Variants in CPA6 observed in about 807,000 individuals in gnomAD.
The protein encoded by CPA6 is carboxypeptidase A6, also known as carboxypeptidase B.
A neutral mutation model predicts 63.3 loss-of-function variants in CPA6; 58 were observed. That is an observed-to-expected ratio of 0.92 (90% CI 0.74 to 1.14). The LOEUF (loss-of-function observed/expected upper bound fraction) is 1.14. Among genes scored for constraint, CPA6 ranks in the 50% most tolerant of loss-of-function variants. CPA6 has a pLI of 0.00. For synonymous variants in CPA6, 185 were observed against 179.0 expected (o/e 1.03, Z -0.27); for missense variants, 565 against 526.6 (o/e 1.07, Z -0.71).
At chr8:67,660,182 A>G (rs189539270) in intron 1 of CPA6, among the ~76,000 whole-genome samples, 3 of 152,252 alleles carry the variant, frequency 2.0e-5, no homozygotes, top group Non-Finnish European at 4.4e-5. Flanking sequence ...CTGATTCACT[A>G]TGGCAGCATA....
chr8:67,471,822 T>C (rs1029478844), intron 8 of CPA6, among the ~76,000 whole-genome samples: 1 of 152,142 alleles, frequency 6.6e-6, no homozygotes, highest in African/African-American at 2.4e-5. Context: ...TGAAAGAGAA[T>C]TGGGAATCTG....
chr8:67,684,389 G>C (rs748984181), intron 1 of CPA6, among the ~76,000 whole-genome samples: 20 of 152,008 alleles, frequency 1.3e-4, no homozygotes, highest in Non-Finnish European at 2.5e-4. Context: ...GCAAATACAA[G>C]TTTCCTATTC....
chr8:67,693,723 C>T (rs1187990990), intron 1 of CPA6, among the ~76,000 whole-genome samples: 1 of 152,168 alleles, frequency 6.6e-6, no homozygotes, highest in Non-Finnish European at 1.5e-5. Flanking sequence ...AATCTGCTGG[C>T]CCTTTCTTCT....
At chr8:67,609,721 T>G (rs987789419) in intron 2 of CPA6, among the ~76,000 whole-genome samples, 49 of 152,180 alleles carry the variant, frequency 3.2e-4, no homozygotes, top group African/African-American at 1.2e-3. Context: ...AGTCTTAGAT[T>G]TGTTAAAATA....
chr8:67,453,078 C>T lies in CPA6; in HGVS notation c.839-18838G>A, dbSNP rs183629813. The stretch of plus-strand genomic sequence containing the variant: ...CATCTGACTTATATTTTAAAAGGTT[C>T]ATGGTGGCTGAGGATGGAGAGTGTG... On this transcript the variant is annotated intron_variant, in intron 8 of 10. Transcript: ENST00000297770. 7.8e-4 allele frequency among the ~76,000 whole-genome samples: 119 copies of T among 151,916 alleles called. 1 individual carries two copies. Among genetic ancestry groups the T allele is most frequent in the African/African-American group, 2.8e-3 (118 of 41,490 alleles).
intron 1 of CPA6, among the ~76,000 whole-genome samples, chr8:67,699,520 C>A (rs575496061): frequency 6.6e-6 from 1 of 151,392 alleles, no homozygotes; most frequent in South Asian, 2.1e-4. Flanking sequence ...AACAAACAAA[C>A]ATTTACATGC....
intron 2 of CPA6, among the ~76,000 whole-genome samples, chr8:67,546,073 C>T (rs1812812968): frequency 6.6e-6 from 1 of 152,200 alleles, no homozygotes; most frequent in African/African-American, 2.4e-5. Context: ...GTCTTGCTTG[C>T]TTCCTTACTA....
chr8:67,621,846 C>T (rs908289433), intron 2 of CPA6, among the ~76,000 whole-genome samples: 4 of 152,242 alleles, frequency 2.6e-5, no homozygotes, highest in East Asian at 1.9e-4. Context: ...CCCAGGTGGC[C>T]GCCTTTCTTT....
At chr8:67,655,052 G>A (rs1437298895) in intron 1 of CPA6, among the ~76,000 whole-genome samples, 1 of 152,104 alleles carries the variant, frequency 6.6e-6, no homozygotes, top group African/African-American at 2.4e-5. Flanking sequence ...AATGTTACAA[G>A]GTTACACAAT....
At chr8:67,722,379 CCA>C (rs1248215786) in intron 1 of CPA6, among the ~76,000 whole-genome samples, 2 of 152,084 alleles carry the variant, frequency 1.3e-5, no homozygotes, top group Non-Finnish European at 2.9e-5. Context: ...TGGGGCAAGC[CCA>C]GGGTGTTTGT....
intron 2 of CPA6, among the ~76,000 whole-genome samples, chr8:67,574,906 A>G (rs1258002199): frequency 6.6e-6 from 1 of 152,182 alleles, no homozygotes; most frequent in African/African-American, 2.4e-5. Context: ...ATAAAAATAA[A>G]AACTTCTGTA....
chr8:67,592,802 T>C (rs1449668774), intron 2 of CPA6, among the ~76,000 whole-genome samples: 28 of 152,340 alleles, frequency 1.8e-4, no homozygotes, highest in Non-Finnish European at 3.1e-4. Flanking sequence ...TTGCTAGTGG[T>C]CTATCAATTT....
At chr8:67,426,965 T>C (rs1809900953) in intron 10 of CPA6, among the ~76,000 whole-genome samples, 1 of 152,224 alleles carries the variant, frequency 6.6e-6, no homozygotes, top group Non-Finnish European at 1.5e-5. Context: ...TATGATTCTT[T>C]GTCGAAGTTC....
rs1190310425 is a variant in CPA6 at position 67,634,224 on chromosome 8, TTTG to T, written c.117-9976_117-9974del. Among the ~76,000 whole-genome samples the T allele has an allele frequency of 9.1e-4, 130 of 142,862 alleles. 6 individuals are homozygous for T. Among genetic ancestry groups the T allele is most frequent in the African/African-American group, 3.3e-3 (124 of 37,678 alleles). 93.7% of individuals were successfully genotyped at this position (142,862 alleles called of 152,430 possible). A position where few individuals can be genotyped will look rare whatever the true frequency, so the allele number is the denominator to read the frequency against. On this transcript the variant is annotated intron_variant, in intron 1 of 10. Transcript: ENST00000297770. ...TTATTATTATTATTATTATTATTTATTTGTTTTTTTTTTGAGACGGAGTCTCGC... is the reference window on the plus strand; with the variant it reads ...TTATTATTATTATTATTATTATTTATTTTTTTTTTTGAGACGGAGTCTCGC...
intron 1 of CPA6, among the ~76,000 whole-genome samples, chr8:67,727,448 T>C (rs1256137038): frequency 6.6e-6 from 1 of 152,118 alleles, no homozygotes; most frequent in Non-Finnish European, 1.5e-5. Context: ...ACTGCCCCCC[T>C]TAACCCCCAC....
intron 1 of CPA6, among the ~76,000 whole-genome samples, chr8:67,724,647 C>G (rs550628397): frequency 3.3e-5 from 5 of 152,206 alleles, no homozygotes; most frequent in African/African-American, 1.2e-4. Context: ...TGAGACAACC[C>G]AAGACAAAGT....
intron 9 of CPA6, among the ~76,000 whole-genome samples, chr8:67,430,448 A>T (rs1174208541): frequency 6.6e-6 from 1 of 152,004 alleles, no homozygotes; most frequent in African/African-American, 2.4e-5. Flanking sequence ...GCCTCCCAAA[A>T]TAGTATATAT....
chr8:67,527,637 G>A (rs1027955478), intron 2 of CPA6, among the ~76,000 whole-genome samples: 1 of 152,096 alleles, frequency 6.6e-6, no homozygotes, highest in African/African-American at 2.4e-5. Flanking sequence ...TATTTCTCAA[G>A]TTCACCCATA....
intron 2 of CPA6, among the ~76,000 whole-genome samples, chr8:67,585,500 T>C (rs111702136): frequency 0.033 from 4,995 of 152,196 alleles, 118 homozygotes; most frequent in African/African-American, 0.066. Flanking sequence ...CATGGGGGCA[T>C]GAGTTAGCAG....
Sources: allele counts gnomAD v4.1 joint callset (sites outside exome capture counted in the v4.1 genomes callset), GRCh38; gene constraint gnomAD v4.1.1; transcripts MANE v1.5; gene names NCBI Gene and HGNC (gene_info 2026-07-23, HGNC 2026-07-21).